CAMSAP2: variants seen among roughly 807,000 people sequenced by gnomAD.
CAMSAP2 encodes calmodulin-regulated spectrin-associated protein 2.
CAMSAP2 carries 26 observed loss-of-function variants against 146.1 expected under a neutral mutation model. That is an observed-to-expected ratio of 0.18 (90% CI 0.13 to 0.25). The LOEUF is 0.25. CAMSAP2 is among the 10% of genes least tolerant of loss of function. The pLI, the probability that CAMSAP2 is intolerant of heterozygous loss-of-function variation, is 1.00. For synonymous variants in CAMSAP2, 499 were observed against 596.6 expected, an observed-to-expected ratio of 0.84 and a Z score of 2.38; for missense variants, 1,381 against 1,759.3, an observed-to-expected ratio of 0.78 and a Z score of 3.85.
intron 3 of CAMSAP2, among the ~76,000 whole-genome samples, chr1:200,811,146 C>G (rs1666319819): frequency 6.6e-6 from 1 of 152,074 alleles, no homozygotes; most frequent in South Asian, 2.1e-4. Context: ...AAGCATGAAC[C>G]ATCTTTTTGA....
chr1:200,814,008 C>T (rs531034488), intron 3 of CAMSAP2, among the ~76,000 whole-genome samples: 30 of 149,430 alleles, frequency 2.0e-4, no homozygotes, highest in East Asian at 7.9e-4. Context: ...TTCGAGAGGC[C>T]GAGACAGGAG....
intron 2 of CAMSAP2, among the ~76,000 whole-genome samples, chr1:200,768,756 C>T (rs1200398567): frequency 3.3e-5 from 5 of 152,080 alleles, no homozygotes; most frequent in African/African-American, 9.7e-5. Context: ...CAGGTTCAAG[C>T]GATTCTCCTG....
At chr1:200,817,022 A>ACG (rs1321256344) in intron 4 of CAMSAP2, among the ~76,000 whole-genome samples, 5 of 140,388 alleles carry the variant, frequency 3.6e-5, no homozygotes, top group Non-Finnish European at 8.1e-5. Flanking sequence ...ACACACGTAT[A>ACG]TATGTGTATA....
At chr1:200,787,863 A>G (rs886430058) in intron 2 of CAMSAP2, among the ~76,000 whole-genome samples, 11 of 152,162 alleles carry the variant, frequency 7.2e-5, no homozygotes, top group Admixed American at 3.9e-4. Context: ...AAGACCCTCC[A>G]CCATCAAAAA....
At chr1:200,743,997 T>C (rs1342559622) in intron 1 of CAMSAP2, among the ~76,000 whole-genome samples, 4 of 152,050 alleles carry the variant, frequency 2.6e-5, no homozygotes, top group South Asian at 4.1e-4. Flanking sequence ...CTAATACTTA[T>C]TGAGCTCCTA....
chr1:200,829,922 A>G (rs1358570825), intron 4 of CAMSAP2, among the ~76,000 whole-genome samples: 1 of 152,090 alleles, frequency 6.6e-6, no homozygotes, highest in Non-Finnish European at 1.5e-5. Flanking sequence ...GTGAGACGCT[A>G]TCTCCAAAAA....
intron 2 of CAMSAP2, among the ~76,000 whole-genome samples, chr1:200,775,606 T>C (rs1665248915): frequency 6.6e-6 from 1 of 152,208 alleles, no homozygotes; most frequent in African/African-American, 2.4e-5. Flanking sequence ...CTCAGCTCAC[T>C]GCAACCTCTG....
chr1:200,847,764 C>T, intron 10 of CAMSAP2, 55 bp downstream of exon 10: 1 of 1,389,348 alleles, frequency 7.2e-7, no homozygotes, highest in Non-Finnish European at 1.0e-6. Flanking sequence ...ATGCAAATTG[C>T]ATCTGTGTCT....
rs530150498 is a variant in CAMSAP2, at chr1:200,832,440, C to A, written c.787+99C>A. On this transcript the variant is annotated intron_variant, in intron 5 of 16. Transcript: ENST00000358823. This position sits in a 1 kb window ranked among gnomAD's most constrained non-coding sequence, Gnocchi z 4.2. ...CTCCAGCCTAGGTGACTGAGTGGGACCCTGTCTCAAAAAAAAGACAATATT... is the reference window on the plus strand; with the variant it reads ...CTCCAGCCTAGGTGACTGAGTGGGAACCTGTCTCAAAAAAAAGACAATATT... 5.2e-4 allele frequency: 595 copies of A among 1,140,440 alleles called. 9 individuals are homozygous for A. The East Asian group carries it at 0.015, about 29-fold the overall frequency. 70.6% of individuals were successfully genotyped at this position (1,140,440 alleles called of 1,614,324 possible). A position where few individuals can be genotyped will look rare whatever the true frequency, so the allele number is the denominator to read the frequency against.
intron 8 of CAMSAP2, among the ~76,000 whole-genome samples, chr1:200,846,655 C>T (rs1277390563): frequency 6.6e-6 from 1 of 152,110 alleles, no homozygotes; most frequent in Non-Finnish European, 1.5e-5. Context: ...TTTTACCCTT[C>T]CTGGGAATAA....
intron 4 of CAMSAP2, among the ~76,000 whole-genome samples, chr1:200,824,235 CTTT>C (rs76100494): frequency 3.5e-5 from 5 of 141,142 alleles, no homozygotes; most frequent in Non-Finnish European, 3.1e-5. Flanking sequence ...TCATCCATCT[CTTT>C]TTTTTTTTTT....
rs776680010 is a variant in CAMSAP2 at position 200,832,828 on chromosome 1, G to A, written c.910G>A (p.Ala304Thr). 2 of 1,586,120 alleles carry A rather than the reference G, an allele frequency of 1.3e-6. No individual in the cohort carries two copies. Among genetic ancestry groups the A allele is most frequent in the Non-Finnish European group, 1.7e-6 (2 of 1,169,772 alleles). The change falls in exon 6 of 17, where the codon GCT becomes ACT. Residue 304 changes from alanine to threonine, a missense_variant. By Grantham distance (58) the Ala-to-Thr change is moderately conservative. This residue lies in a region of CAMSAP2 where 284 missense variants were observed against 406.9 expected (regional missense o/e 0.70). Transcript: ENST00000358823. This position sits in a 1 kb window ranked among gnomAD's most constrained non-coding sequence, Gnocchi z 4.2. ...CHFTLEDMLYAASSIKSNYLV... is the reference protein window; with the variant it reads ...CHFTLEDMLYTASSIKSNYLV... ...TTTCACTCTGGAAGATATGCTCTAT[G>A]CTGCTTCATCCATAAAGGTAAATTA...
In CAMSAP2 at chr1:200,858,624, A is replaced by G. The variant is rs1461374089; in HGVS notation, c.*565A>G. On this transcript the variant is annotated 3_prime_UTR_variant, in exon 17 of 17. Transcript: ENST00000358823. ...GTTTTACAGTAACCCTCATATTTTAATGGTGTTACAGCATTTGCAAAAATT... is the reference window on the plus strand; with the variant it reads ...GTTTTACAGTAACCCTCATATTTTAGTGGTGTTACAGCATTTGCAAAAATT... The G allele has an allele frequency of 6.6e-6, 1 of 152,642 alleles. No homozygotes were observed. The highest frequency in any genetic ancestry group is 2.4e-5 in the African/African-American group (1 of 41,450). The allele number at this position is 152,642 out of a possible 1,614,324, so 9.5% of individuals were successfully genotyped here. A position where few individuals can be genotyped will look rare whatever the true frequency, so the allele number is the denominator to read the frequency against.
chr1:200,746,056 G>A (rs1242811493), intron 1 of CAMSAP2, among the ~76,000 whole-genome samples: 2 of 152,156 alleles, frequency 1.3e-5, no homozygotes, highest in African/African-American at 2.4e-5. Context: ...GAGCTAGTCA[G>A]TTTCTGTTTT....
chr1:200,758,354 A>T (rs1664703607), intron 1 of CAMSAP2, among the ~76,000 whole-genome samples: 1 of 152,230 alleles, frequency 6.6e-6, no homozygotes, highest in South Asian at 2.1e-4. Flanking sequence ...AAATCAAATA[A>T]TTTTCCTTTT....
At chr1:200,804,069 G>C (rs1571772797) in intron 2 of CAMSAP2, among the ~76,000 whole-genome samples, 2 of 152,022 alleles carry the variant, frequency 1.3e-5, no homozygotes, top group Admixed American at 1.3e-4. Flanking sequence ...TGAGACTACA[G>C]GTGTCCGCCA....
At chr1:200,806,765 G>GTATCTATCTATC (rs149381434) in intron 2 of CAMSAP2, among the ~76,000 whole-genome samples, 156 of 140,224 alleles carry the variant, frequency 1.1e-3, no homozygotes, top group East Asian at 2.1e-3. Flanking sequence ...GTGTGTGTGT[G>GTATCTATCTATC]TATCTATCTA....
intron 6 of CAMSAP2, among the ~76,000 whole-genome samples, chr1:200,839,649 A>G (rs932805039): frequency 1.3e-5 from 2 of 152,206 alleles, no homozygotes; most frequent in African/African-American, 4.8e-5. Flanking sequence ...GAGCTAAGCC[A>G]TAAGGATGCA....
chr1:200,793,284 T>C (rs1469013048), intron 2 of CAMSAP2, among the ~76,000 whole-genome samples: 2 of 152,194 alleles, frequency 1.3e-5, no homozygotes, highest in African/African-American at 4.8e-5. Flanking sequence ...AAGTATCTAA[T>C]GTGGTGCTTG....
Sources: allele counts gnomAD v4.1 joint callset (sites outside exome capture counted in the v4.1 genomes callset), GRCh38; gene constraint gnomAD v4.1.1; regional missense constraint gnomAD v4.1.1; non-coding constraint Gnocchi (gnomAD v3.1); transcripts MANE v1.5; gene names NCBI Gene and HGNC (gene_info 2026-07-23, HGNC 2026-07-21).